Variants in DHRS9 observed in about 807,000 individuals in gnomAD.
DHRS9 encodes dehydrogenase/reductase 9.
In DHRS9, 18 loss-of-function variants were observed where a neutral mutation model predicts 26.6. The ratio of observed to expected loss-of-function variants is 0.68; its 90% confidence interval spans 0.47 to 1.00. The LOEUF is 1.00. Ranked by LOEUF, DHRS9 falls within the 50% of genes least tolerant of loss-of-function variation. DHRS9 has a pLI of 0.00. For missense variants in DHRS9, 425 were observed against 378.7 expected (o/e 1.12, Z -1.01); for synonymous variants, 134 against 141.1 (o/e 0.95, Z 0.36).
intron 1 of DHRS9, chr2:169,070,595 T>C: frequency 2.0e-6 from 2 of 984,864 alleles, no homozygotes; most frequent in Non-Finnish European, 2.4e-6. Flanking sequence ...TTAAATGTTA[T>C]ACCACCTTTC....
chr2:169,088,061 C>T lies in DHRS9; in HGVS notation c.573-3729C>T, dbSNP rs149084138. The stretch of plus-strand genomic sequence containing the variant: ...CTCCGAGCACAGCACCAGGACTTGC[C>T]CAGGAATTGCAATCCTTGTGACCTG... On this transcript the variant is annotated intron_variant, in intron 3 of 4. Transcript: ENST00000674881. 3.4e-4 allele frequency among the ~76,000 whole-genome samples: 52 copies of T among 152,256 alleles called. No individual in the cohort carries two copies. The East Asian group carries it at 9.1e-3, about 27-fold the overall frequency.
chr2:169,076,113 G>T (rs116374391), intron 1 of DHRS9, among the ~76,000 whole-genome samples: 6 of 152,068 alleles, frequency 3.9e-5, no homozygotes, highest in Non-Finnish European at 7.4e-5. Flanking sequence ...ACACTTATTA[G>T]ATGGCATATT....
chr2:169,072,681 G>A (rs1683843536), intron 1 of DHRS9: 1 of 984,210 alleles, frequency 1.0e-6, no homozygotes, highest in African/African-American at 1.7e-5. Context: ...AAAGCATTGT[G>A]CATGGTGTAT....
At chr2:169,093,612 A>G (rs1684603456) in intron 4 of DHRS9, among the ~76,000 whole-genome samples, 1 of 152,166 alleles carries the variant, frequency 6.6e-6, no homozygotes, top group Admixed American at 6.6e-5. Context: ...ATGCCTTTGA[A>G]TATATCACTG....
rs1167209188 is a variant in DHRS9 at position 169,090,026 on chromosome 2, T to C, written c.573-1764T>C. ...ACTCACTTTTAAAAAAGATTTCAACTGAAGGGTTTGTGAGCTTTGCCATGC... is the reference window on the plus strand; with the variant it reads ...ACTCACTTTTAAAAAAGATTTCAACCGAAGGGTTTGTGAGCTTTGCCATGC... On this transcript the variant is annotated intron_variant, in intron 3 of 4. Coordinates refer to ENST00000674881, the MANE Select transcript of DHRS9 (RefSeq NM_001376924.1). Among the ~76,000 whole-genome samples the C allele has an allele frequency of 2.0e-5, 3 of 152,228 alleles. No individual in the cohort carries two copies. In the East Asian group the frequency reaches 5.8e-4, roughly 29 times the overall value.
At chr2:169,088,576 T>C (rs1316247835) in intron 3 of DHRS9, among the ~76,000 whole-genome samples, 1 of 152,226 alleles carries the variant, frequency 6.6e-6, no homozygotes, top group Non-Finnish European at 1.5e-5. Context: ...TATTTGGCCA[T>C]CCTGCTCCAC....
chr2:169,092,906 G>A (rs1417409588), intron 4 of DHRS9, among the ~76,000 whole-genome samples: 3 of 152,152 alleles, frequency 2.0e-5, no homozygotes, highest in Admixed American at 6.5e-5. Flanking sequence ...TAGAGGCATA[G>A]AGAATAACTT....
At chr2:169,075,864 A>G (rs1683947827) in intron 1 of DHRS9, among the ~76,000 whole-genome samples, 1 of 152,200 alleles carries the variant, frequency 6.6e-6, no homozygotes, top group South Asian at 2.1e-4. Flanking sequence ...ATAACTAGTG[A>G]TGTGAATCCT....
At chr2:169,074,265 G>A in intron 1 of DHRS9, 1 of 985,308 alleles carries the variant, frequency 1.0e-6, no homozygotes, top group South Asian at 4.7e-5. Context: ...GTAGGAAAAT[G>A]GAGGCTAAGA....
At chr2:169,079,224 G>A (rs1046040614) in intron 1 of DHRS9, among the ~76,000 whole-genome samples, 23 of 151,832 alleles carry the variant, frequency 1.5e-4, no homozygotes, top group Non-Finnish European at 2.4e-4. Flanking sequence ...AGCAGAGCCC[G>A]AAATTTTCTT....
At chr2:169,067,294 C>T (rs1212012137), upstream of DHRS9, 2 of 1,533,860 alleles carry the variant, frequency 1.3e-6, no homozygotes. Context: ...AGTTGAAGCT[C>T]ATCTTAGAAT....
chr2:169,093,155 A>G (rs969453243), intron 4 of DHRS9, among the ~76,000 whole-genome samples: 1 of 151,678 alleles, frequency 6.6e-6, no homozygotes, highest in Non-Finnish European at 1.5e-5. Flanking sequence ...CCACCTAACT[A>G]TGGGTAGTTC....
chr2:169,086,927 T>C (rs560488500), intron 3 of DHRS9, among the ~76,000 whole-genome samples: 206 of 152,342 alleles, frequency 1.4e-3, no homozygotes, highest in Non-Finnish European at 2.5e-3. Flanking sequence ...ACCACCATCA[T>C]TGGGACTGCA....
intron 1 of DHRS9, among the ~76,000 whole-genome samples, chr2:169,080,436 C>G (rs1406483498): frequency 6.6e-6 from 1 of 152,204 alleles, no homozygotes; most frequent in Admixed American, 6.5e-5. Flanking sequence ...AGGGCTGGGC[C>G]CATGGTACTC....
At chr2:169,091,666 A>T in intron 3 of DHRS9, 124 bp from the exon 4 acceptor site, 1 of 1,096,176 alleles carries the variant, frequency 9.1e-7, no homozygotes, top group Non-Finnish European at 1.3e-6. Context: ...AGAATAAGAT[A>T]TTTCTTTCAA....
intron 2 of DHRS9, among the ~76,000 whole-genome samples, 174 bp from the exon 3 acceptor site, chr2:169,083,155 T>C (rs1684243232): frequency 6.6e-6 from 1 of 152,172 alleles, no homozygotes; most frequent in Non-Finnish European, 1.5e-5. Context: ...ACTATTTCAG[T>C]TTAGCCTCCC....
At chr2:169,069,123 G>A (rs1307542490), upstream of DHRS9, among the ~76,000 whole-genome samples, 5 of 151,700 alleles carry the variant, frequency 3.3e-5, no homozygotes, top group Admixed American at 1.3e-4. Flanking sequence ...CTCCTTGCTC[G>A]CCCATCTTAA....
At position 169,078,815 on chromosome 2, in the gene DHRS9, C is replaced by CTTTTTTTTTT. The variant is rs200691133; in HGVS notation, c.-59-2691_-59-2682dup. On this transcript the variant is annotated intron_variant, in intron 1 of 4. Coordinates refer to ENST00000674881, the MANE Select transcript of DHRS9 (RefSeq NM_001376924.1). ...CTCTGACTTAATTTTTATCAACTGA[C>CTTTTTTTTTT]TTTTTTTTTTTTTTTTTTTTTTTTT... Among the ~76,000 whole-genome samples the CTTTTTTTTTT allele has an allele frequency of 1.3e-3, 143 of 110,338 alleles. 13 individuals are homozygous for CTTTTTTTTTT. Among genetic ancestry groups the CTTTTTTTTTT allele is most frequent in the African/African-American group, 4.9e-3 (130 of 26,640 alleles). 72.4% of individuals were successfully genotyped at this position (110,338 alleles called of 152,430 possible).
chr2:169,093,050 G>T (rs2105304724), intron 4 of DHRS9, among the ~76,000 whole-genome samples: 1 of 152,210 alleles, frequency 6.6e-6, no homozygotes, highest in East Asian at 1.9e-4. Context: ...CTGTTATCAG[G>T]CTTTCCCCTC....
Sources: gnomAD v4.1 joint callset for allele counts (sites outside exome capture counted in the v4.1 genomes callset) on GRCh38, gnomAD v4.1.1 for gene constraint, MANE v1.5 for transcripts, NCBI Gene and HGNC (gene_info 2026-07-23, HGNC 2026-07-21) for gene names.